Variants in KCNN2 observed in about 807,000 individuals in gnomAD.
KCNN2 encodes small conductance calcium-activated potassium channel protein 2.
Under a neutral mutation model 55.5 loss-of-function variants are expected in KCNN2, and 24 were observed. The ratio of observed to expected loss-of-function variants is 0.43; its 90% CI spans 0.31 to 0.61. The LOEUF is 0.61. Among genes scored for constraint, KCNN2 ranks in the 20% least tolerant of loss-of-function variants. The pLI, the probability that KCNN2 is intolerant of heterozygous loss-of-function variation, is 0.08. For missense variants in KCNN2, 754 were observed against 853.6 expected (o/e 0.88, Z 1.45); for synonymous variants, 431 against 336.1 (o/e 1.28, Z -3.09).
At chr5:114,293,793 T>C (rs1363075366) in intron 2 of KCNN2, among the ~76,000 whole-genome samples, 1 of 152,214 alleles carries the variant, frequency 6.6e-6, no homozygotes, top group Non-Finnish European at 1.5e-5. Flanking sequence ...TTACCTCTGG[T>C]AGAATTCGGC....
At chr5:114,295,976 G>T (rs79479423) in intron 2 of KCNN2, among the ~76,000 whole-genome samples, 1 of 152,072 alleles carries the variant, frequency 6.6e-6, no homozygotes, top group Non-Finnish European at 1.5e-5. Flanking sequence ...TATAATTTCC[G>T]CTGGTAATAG....
At position 114,363,091 on chromosome 5, in the gene KCNN2, GGCACCAAGTCCA is replaced by G. The variant is rs758014502; in HGVS notation, c.956_967del (p.Thr319_Ser322del). 21 of 1,612,060 alleles carry G rather than the reference GGCACCAAGTCCA, an allele frequency of 1.3e-5. No homozygotes were observed. The highest frequency in any genetic ancestry group is 3.3e-5 in the Admixed American group (2 of 59,996). On this transcript the variant is annotated inframe_deletion, in exon 1 of 8. Transcript: ENST00000673685. The stretch of plus-strand genomic sequence containing the variant: ...CGGGAGCGGGCACGGCAGCAGCAGT[GGCACCAAGTCCA>G]GCAAAAAGAAAAACCAGAACATCGG...
intron 3 of KCNN2, among the ~76,000 whole-genome samples, chr5:114,407,464 C>T (rs1369068908): frequency 6.6e-6 from 1 of 151,886 alleles, no homozygotes; most frequent in Non-Finnish European, 1.5e-5. Flanking sequence ...TTCATAGAAA[C>T]TTTTCTCTGG....
intron 1 of KCNN2, among the ~76,000 whole-genome samples, chr5:114,219,721 G>A (rs1754092860): frequency 6.6e-6 from 1 of 152,050 alleles, no homozygotes; most frequent in African/African-American, 2.4e-5. Context: ...AGGTTTTTTG[G>A]CTTGAGGGTG....
intron 2 of KCNN2, among the ~76,000 whole-genome samples, chr5:114,366,706 C>T (rs1359502046): frequency 6.6e-6 from 1 of 152,136 alleles, no homozygotes; most frequent in Non-Finnish European, 1.5e-5. Flanking sequence ...TTGCCCCCCG[C>T]CCTCCTTTTT....
intron 5 of KCNN2, among the ~76,000 whole-genome samples, chr5:114,481,343 C>A (rs569068074): frequency 4.6e-5 from 7 of 151,964 alleles, no homozygotes; most frequent in Non-Finnish European, 1.0e-4. Flanking sequence ...TCAAAGAAAT[C>A]AGAAAGGACA....
intron 2 of KCNN2, among the ~76,000 whole-genome samples, chr5:114,396,474 A>C (rs1758620959): frequency 6.6e-6 from 1 of 152,076 alleles, no homozygotes; most frequent in African/African-American, 2.4e-5. Context: ...TTTGTTATAC[A>C]GATAAATTGT....
intron 2 of KCNN2, among the ~76,000 whole-genome samples, chr5:114,385,738 C>T (rs1224819217): frequency 1.3e-5 from 2 of 151,960 alleles, no homozygotes; most frequent in African/African-American, 4.8e-5. Flanking sequence ...TGTCCTTCTT[C>T]TGTATTAGTA....
chr5:114,375,952 G>GTGTATA (rs1249028214), intron 2 of KCNN2, among the ~76,000 whole-genome samples: 2 of 104,722 alleles, frequency 1.9e-5, no homozygotes, highest in African/African-American at 3.6e-5. Context: ...GACTCACAGT[G>GTGTATA]TATATATATA....
chr5:114,321,079 C>T (rs1756605335), intron 2 of KCNN2, among the ~76,000 whole-genome samples: 1 of 152,174 alleles, frequency 6.6e-6, no homozygotes, highest in South Asian at 2.1e-4. Flanking sequence ...CTCAATTCTA[C>T]AATTGTTTCC....
chr5:114,216,575 G>A (rs915992527), intron 1 of KCNN2, among the ~76,000 whole-genome samples: 8 of 152,042 alleles, frequency 5.3e-5, no homozygotes, highest in African/African-American at 1.4e-4. Flanking sequence ...TACAGAAAAA[G>A]CATTTGATAA....
chr5:114,455,770 G>A (rs1760897131), intron 3 of KCNN2, among the ~76,000 whole-genome samples: 1 of 152,208 alleles, frequency 6.6e-6, no homozygotes, highest in Non-Finnish European at 1.5e-5. Flanking sequence ...GCCTTAATGC[G>A]GTTATGGAGA....
chr5:114,303,938 G>A (rs1057040979), intron 2 of KCNN2, among the ~76,000 whole-genome samples: 3 of 152,188 alleles, frequency 2.0e-5, no homozygotes, highest in African/African-American at 7.2e-5. Context: ...TGTCCTCTTG[G>A]CAGGTGGAAA....
chr5:114,392,974 G>C (rs1758497500), intron 2 of KCNN2, among the ~76,000 whole-genome samples: 1 of 151,856 alleles, frequency 6.6e-6, no homozygotes, highest in Non-Finnish European at 1.5e-5. Flanking sequence ...CTTGTCATGG[G>C]TTATGTGAAG....
chr5:114,384,785 G>A (rs1299654550), intron 2 of KCNN2, among the ~76,000 whole-genome samples: 1 of 152,134 alleles, frequency 6.6e-6, no homozygotes, highest in Non-Finnish European at 1.5e-5. Context: ...CAGAAGGGCT[G>A]CACTGGAAGG....
At chr5:114,383,009 G>A (rs747101419) in intron 2 of KCNN2, among the ~76,000 whole-genome samples, 7 of 152,194 alleles carry the variant, frequency 4.6e-5, no homozygotes, top group Non-Finnish European at 8.8e-5. Flanking sequence ...TAGTTAATAT[G>A]TGTCAATTAA....
At chr5:114,337,331 C>A (rs1756939772) in intron 2 of KCNN2, among the ~76,000 whole-genome samples, 1 of 152,190 alleles carries the variant, frequency 6.6e-6, no homozygotes, top group South Asian at 2.1e-4. Flanking sequence ...AGTATTTGAA[C>A]TCACTGAGGT....
chr5:114,208,905 T>C (rs1169384739), intron 1 of KCNN2, among the ~76,000 whole-genome samples: 1 of 152,206 alleles, frequency 6.6e-6, no homozygotes, highest in African/African-American at 2.4e-5. Flanking sequence ...CTCTCTTTCC[T>C]TCACAGTCTC....
chr5:114,235,271 G>A (rs1286930603), intron 2 of KCNN2, among the ~76,000 whole-genome samples: 2 of 152,074 alleles, frequency 1.3e-5, no homozygotes, highest in African/African-American at 4.8e-5. Context: ...CTTCATTATT[G>A]CATCCATTAT....
Sources: gnomAD v4.1 joint callset for allele counts (sites outside exome capture counted in the v4.1 genomes callset) on GRCh38, gnomAD v4.1.1 for gene constraint, MANE v1.5 for transcripts, NCBI Gene and HGNC (gene_info 2026-07-23, HGNC 2026-07-21) for gene names.